Variants in ST6GAL1 observed in about 807,000 individuals in gnomAD.
ST6GAL1 encodes the protein beta-galactoside alpha-2,6-sialyltransferase 1.
A neutral mutation model predicts 38.0 loss-of-function variants in ST6GAL1; 20 were observed. The observed-to-expected ratio is 0.53, with a 90% CI of 0.37 to 0.77. The LOEUF is 0.77. ST6GAL1 is among the 30% of genes least tolerant of loss of function. The pLI is 0.00. For missense variants in ST6GAL1, 432 were observed against 496.4 expected (o/e 0.87, Z 1.23); for synonymous variants, 196 against 188.2 (o/e 1.04, Z -0.34).
intron 2 of ST6GAL1, among the ~76,000 whole-genome samples, chr3:187,010,880 T>G (rs1183648715): frequency 6.6e-6 from 1 of 152,230 alleles, no homozygotes; most frequent in Non-Finnish European, 1.5e-5. Flanking sequence ...CTTTTTTACC[T>G]ATTTTATTTC....
At chr3:187,063,736 A>T (rs1463852931) in intron 5 of ST6GAL1, among the ~76,000 whole-genome samples, 1 of 152,162 alleles carries the variant, frequency 6.6e-6, no homozygotes, top group Non-Finnish European at 1.5e-5. Flanking sequence ...AACTGTATTT[A>T]AGGCCAAAGT....
chr3:187,047,211 C>T (rs886923693), intron 4 of ST6GAL1, among the ~76,000 whole-genome samples: 6 of 150,986 alleles, frequency 4.0e-5, no homozygotes, highest in Non-Finnish European at 8.8e-5. Context: ...TCCCAAAGTG[C>T]TGGGATTACA....
intron 2 of ST6GAL1, among the ~76,000 whole-genome samples, chr3:187,010,833 G>T (rs1009204738): frequency 6.6e-6 from 1 of 152,134 alleles, no homozygotes; most frequent in Non-Finnish European, 1.5e-5. Flanking sequence ...CCTGCACCTG[G>T]AACTGTTTAC....
intron 5 of ST6GAL1, among the ~76,000 whole-genome samples, chr3:187,066,142 G>T (rs1171578030): frequency 6.6e-6 from 1 of 152,162 alleles, no homozygotes; most frequent in African/African-American, 2.4e-5. Flanking sequence ...GGTGAGCTGG[G>T]TGATTTTGAT....
chr3:186,944,859 C>T (rs1330171213), intron 1 of ST6GAL1, among the ~76,000 whole-genome samples: 1 of 152,204 alleles, frequency 6.6e-6, no homozygotes, highest in Admixed American at 6.5e-5. Flanking sequence ...GATAGACACA[C>T]CTGGCTGTAA....
intron 2 of ST6GAL1, among the ~76,000 whole-genome samples, chr3:186,988,721 C>T (rs1288528381): frequency 6.6e-6 from 1 of 152,066 alleles, no homozygotes; most frequent in Non-Finnish European, 1.5e-5. Context: ...CGAGACCAGC[C>T]TGGGCAACAT....
At chr3:187,058,094 G>C (rs116322357) in intron 5 of ST6GAL1, among the ~76,000 whole-genome samples, 1 of 152,322 alleles carries the variant, frequency 6.6e-6, no homozygotes, top group East Asian at 1.9e-4. Flanking sequence ...CCTGGGACCC[G>C]CTGAGCCAGG....
chr3:186,945,135 A>G (rs1430345596), intron 1 of ST6GAL1, among the ~76,000 whole-genome samples: 1 of 152,084 alleles, frequency 6.6e-6, no homozygotes, highest in African/African-American at 2.4e-5. Context: ...CTTGGGCAAC[A>G]TAGCGAGACC....
intron 2 of ST6GAL1, among the ~76,000 whole-genome samples, chr3:187,009,960 A>C (rs1716904064): frequency 6.6e-6 from 1 of 151,910 alleles, no homozygotes; most frequent in Non-Finnish European, 1.5e-5. Flanking sequence ...AGCCGAGATC[A>C]CGCCACTGCA....
intron 2 of ST6GAL1, among the ~76,000 whole-genome samples, chr3:186,975,517 C>T (rs1398271533): frequency 6.6e-6 from 1 of 152,122 alleles, no homozygotes; most frequent in Non-Finnish European, 1.5e-5. Context: ...CCCTGAGGTT[C>T]GTACCTGCCT....
intron 2 of ST6GAL1, chr3:186,996,649 A>G (rs886606139): frequency 7.9e-5 from 12 of 152,336 alleles, no homozygotes; most frequent in Admixed American, 6.5e-4. Context: ...ACGACGTTCC[A>G]TCTGTGGAAG....
intron 2 of ST6GAL1, among the ~76,000 whole-genome samples, chr3:186,990,105 C>G (rs1716106817): frequency 6.6e-6 from 1 of 152,248 alleles, no homozygotes; most frequent in African/African-American, 2.4e-5. Context: ...GCGATCTTAG[C>G]TCACTGCAAC....
At chr3:186,994,017 G>C (rs1198999099) in intron 2 of ST6GAL1, among the ~76,000 whole-genome samples, 1 of 152,130 alleles carries the variant, frequency 6.6e-6, no homozygotes, top group African/African-American at 2.4e-5. Context: ...CACTCGGCAG[G>C]CTCCTTGCCT....
At chr3:187,019,068 A>T (rs568049054) in intron 2 of ST6GAL1, among the ~76,000 whole-genome samples, 1 of 152,340 alleles carries the variant, frequency 6.6e-6, no homozygotes, top group African/African-American at 2.4e-5. Flanking sequence ...TGGCAACAGT[A>T]TCTTTGTTCA....
At chr3:187,065,102 G>GA (rs1719056515) in intron 5 of ST6GAL1, among the ~76,000 whole-genome samples, 1 of 151,610 alleles carries the variant, frequency 6.6e-6, no homozygotes, top group South Asian at 2.1e-4. Flanking sequence ...GGGTTCAAGT[G>GA]ATTCCCCTGC....
rs1394577632 is a variant in ST6GAL1 at position 187,075,155 on chromosome 3, G to T, written c.980-407G>T. 6.6e-6 allele frequency among the ~76,000 whole-genome samples: 1 copy of T among 152,192 alleles called. No homozygotes were observed. The highest frequency in any genetic ancestry group is 2.4e-5 in the African/African-American group (1 of 41,450). On this transcript the variant is annotated intron_variant, in intron 7 of 7. Transcript: ENST00000169298. This position sits in a 1 kb window ranked among gnomAD's most constrained non-coding sequence, Gnocchi z 4.1. ...TAGCACCATCCAAGAGGTTCTGCAGGATGTCACAGTGCTAGAAAGTGCTAA... is the reference window on the plus strand; with the variant it reads ...TAGCACCATCCAAGAGGTTCTGCAGTATGTCACAGTGCTAGAAAGTGCTAA...
chr3:186,938,057 G>C (rs1714027596), intron 1 of ST6GAL1, among the ~76,000 whole-genome samples: 1 of 152,196 alleles, frequency 6.6e-6, no homozygotes, highest in Non-Finnish European at 1.5e-5. Context: ...CTGGGTGACA[G>C]AGCAAGACTG....
At chr3:187,022,337 G>A (rs563944722) in intron 2 of ST6GAL1, among the ~76,000 whole-genome samples, 1 of 152,056 alleles carries the variant, frequency 6.6e-6, no homozygotes, top group East Asian at 1.9e-4. Context: ...GCTACAGAGA[G>A]TTTTCCCTAC....
chr3:186,942,593 A>C (rs1007932782), intron 1 of ST6GAL1, among the ~76,000 whole-genome samples: 3 of 152,110 alleles, frequency 2.0e-5, no homozygotes, highest in African/African-American at 7.2e-5. Flanking sequence ...ACCGTGTTTA[A>C]GGCTGATCCC....
Sources: allele counts gnomAD v4.1 joint callset (sites outside exome capture counted in the v4.1 genomes callset), GRCh38; gene constraint gnomAD v4.1.1; non-coding constraint Gnocchi (gnomAD v3.1); transcripts MANE v1.5; gene names NCBI Gene and HGNC (gene_info 2026-07-23, HGNC 2026-07-21).